Variants in DSN1 observed in about 807,000 individuals in gnomAD.
DSN1 encodes the protein DSN1 component of MIS12 kinetochore complex.
Under a neutral mutation model 45.7 loss-of-function variants are expected in DSN1, and 31 were observed. That is an observed-to-expected ratio of 0.68 (90% CI 0.51 to 0.92). The LOEUF (loss-of-function observed/expected upper bound fraction) is 0.92, where lower values mean the gene tolerates loss of function less well. Ranked by LOEUF, DSN1 falls within the 40% of genes least tolerant of loss-of-function variation. The pLI is 0.00. For missense variants in DSN1, 394 were observed against 414.2 expected (o/e 0.95, Z 0.42); for synonymous variants, 134 against 142.3 (o/e 0.94, Z 0.41).
chr20:36,765,247 TAAAAAAAAAA>T (rs33998027), intron 5 of DSN1, among the ~76,000 whole-genome samples: 5 of 75,264 alleles, frequency 6.6e-5, no homozygotes, highest in South Asian at 5.9e-4. Flanking sequence ...AGGCTTGTGT[TAAAAAAAAAA>T]AAAAAAAAAA....
chr20:36,765,247 T>TAAAAAAAAAAAAAA lies in DSN1; in HGVS notation c.502+1508_502+1521dup, dbSNP rs33998027. On this transcript the variant is annotated intron_variant, in intron 5 of 10. Coordinates refer to ENST00000373750, the MANE Select transcript of DSN1 (RefSeq NM_001145315.2). ...TGCATACGTGCCAAAAGGCTTGTGT[T>TAAAAAAAAAAAAAA]AAAAAAAAAAAAAAAAAAAAAAAAA... Among the ~76,000 whole-genome samples the TAAAAAAAAAAAAAA allele has an allele frequency of 5.3e-5, 4 of 75,278 alleles. 1 individual carries two copies. Among genetic ancestry groups the TAAAAAAAAAAAAAA allele is most frequent in the African/African-American group, 2.3e-4 (4 of 17,080 alleles). The allele number at this position is 75,278 out of a possible 152,430, so 49.4% of individuals were successfully genotyped here.
chr20:36,771,563 G>T, intron 1 of DSN1, 90 bp from the exon 2 acceptor site: 3 of 1,249,592 alleles, frequency 2.4e-6, no homozygotes. Context: ...TAGGCCGTGT[G>T]CTTTCCAGCC....
chr20:36,762,783 G>A (rs1987071921), intron 5 of DSN1, among the ~76,000 whole-genome samples: 1 of 151,614 alleles, frequency 6.6e-6, no homozygotes, highest in Non-Finnish European at 1.5e-5. Flanking sequence ...ACAGACTCTC[G>A]CTCCGTCACC....
At chr20:36,768,829 A>G (rs536203223) in intron 3 of DSN1, among the ~76,000 whole-genome samples, 1 of 152,336 alleles carries the variant, frequency 6.6e-6, no homozygotes, top group South Asian at 2.1e-4. Flanking sequence ...CAGAAACTGG[A>G]AATCGGTGGA....
chr20:36,758,370 G>A (rs1986787142), intron 7 of DSN1, among the ~76,000 whole-genome samples, 188 bp downstream of exon 7: 1 of 152,256 alleles, frequency 6.6e-6, no homozygotes, highest in African/African-American at 2.4e-5. Flanking sequence ...GTATTCTCTA[G>A]ACTCCATTCT....
intron 3 of DSN1, among the ~76,000 whole-genome samples, chr20:36,769,059 A>G (rs182103436): frequency 6.6e-6 from 1 of 152,380 alleles, no homozygotes; most frequent in East Asian, 1.9e-4. Context: ...ACACAGGCAC[A>G]AAGTAATAGG....
chr20:36,751,848 A>G lies in DSN1; in HGVS notation c.*940T>C, dbSNP rs1226653050. The G allele has an allele frequency of 6.6e-6, 1 of 152,160 alleles. No homozygotes were observed. Among genetic ancestry groups the G allele is most frequent in the East Asian group, 1.9e-4 (1 of 5,194 alleles). 9.4% of individuals were successfully genotyped at this position (152,160 alleles called of 1,614,324 possible). ...TGCAATTTTATAATACAGATTATAA[A>G]CAAATAGAACAATGAATAGTAGTAC... On this transcript the variant is annotated 3_prime_UTR_variant, in exon 11 of 11. Transcript: ENST00000373750.
At chr20:36,771,610 A>C (rs1185964084) in intron 1 of DSN1, 137 bp from the exon 2 acceptor site, 2 of 683,820 alleles carry the variant, frequency 2.9e-6, no homozygotes, top group Non-Finnish European at 5.0e-6. Flanking sequence ...CTGACAGAGA[A>C]TATCAGCAGG....
chr20:36,756,477 T>C (rs1012249566), intron 8 of DSN1, among the ~76,000 whole-genome samples: 1 of 152,220 alleles, frequency 6.6e-6, no homozygotes, highest in Non-Finnish European at 1.5e-5. Flanking sequence ...CAAAACATGC[T>C]GGCCTACTTC....
chr20:36,764,021 C>A (rs1006590370), intron 5 of DSN1, among the ~76,000 whole-genome samples: 1 of 151,840 alleles, frequency 6.6e-6, no homozygotes, highest in Admixed American at 6.6e-5. Flanking sequence ...CAAGACCAGC[C>A]TGAGCAACAC....
intron 6 of DSN1, among the ~76,000 whole-genome samples, chr20:36,761,696 A>G (rs1986989988): frequency 6.6e-6 from 1 of 152,006 alleles, no homozygotes; most frequent in Admixed American, 6.6e-5. Flanking sequence ...CTTCATCTCT[A>G]GAAAAATACA....
chr20:36,759,445 T>C (rs1280588716), intron 6 of DSN1, among the ~76,000 whole-genome samples: 1 of 152,102 alleles, frequency 6.6e-6, no homozygotes, highest in East Asian at 1.9e-4. Flanking sequence ...TTTCAAAAAA[T>C]ACTTAATGTT....
rs778039545 is a variant in DSN1 at position 36,771,026 on chromosome 20, T to C, written c.202A>G (p.Ser68Gly). 2 of 1,614,218 alleles carry C rather than the reference T, an allele frequency of 1.2e-6. No homozygotes were observed. Among genetic ancestry groups the C allele is most frequent in the Admixed American group, 1.7e-5 (1 of 60,016 alleles). The change falls in exon 3 of 11, where the codon AGC (serine) becomes GGC (glycine). Residue 68 changes from serine to glycine, a missense_variant. By Grantham distance (56) the Ser-to-Gly change is moderately conservative (BLOSUM62 0). Coordinates refer to ENST00000373750, the MANE Select transcript of DSN1 (RefSeq NM_001145315.2). ...SPKKGGNCDLSHQERLQSKSL... is the reference protein window; with the variant it reads ...SPKKGGNCDLGHQERLQSKSL... ...TTCGACTGAAGTCTTTCCTGGTGGCTGAGATCACAATTTCCCCCTTTTTTA... is the reference window on the plus strand; with the variant it reads ...TTCGACTGAAGTCTTTCCTGGTGGCCGAGATCACAATTTCCCCCTTTTTTA...
rs1986424749 is a variant in DSN1, at chr20:36,752,360, C to T, written c.*428G>A. The T allele has an allele frequency of 6.5e-6, 1 of 154,372 alleles. No individual in the cohort carries two copies. Among genetic ancestry groups the T allele is most frequent in the East Asian group, 1.9e-4 (1 of 5,266 alleles). The allele number at this position is 154,372 out of a possible 1,614,324, so 9.6% of individuals were successfully genotyped here. On this transcript the variant is annotated 3_prime_UTR_variant, in exon 11 of 11. Coordinates refer to ENST00000373750, the MANE Select transcript of DSN1 (RefSeq NM_001145315.2). Reference sequence around the variant, plus strand: ...TGAGCCATTGCGCCCAGCCTCAAAACTCTTCTACCTAAAATCACCTTCAGA... The same window carrying T: ...TGAGCCATTGCGCCCAGCCTCAAAATTCTTCTACCTAAAATCACCTTCAGA...
chr20:36,758,496 A>T, intron 7 of DSN1, 62 bp downstream of exon 7: 1 of 1,423,190 alleles, frequency 7.0e-7, no homozygotes, highest in East Asian at 2.3e-5. Flanking sequence ...CATTTTTTCC[A>T]AGTTAGTTAA....
intron 6 of DSN1, among the ~76,000 whole-genome samples, chr20:36,762,106 T>C (rs1056907606): frequency 7.1e-6 from 1 of 140,544 alleles, no homozygotes; most frequent in Admixed American, 7.0e-5. Flanking sequence ...AATTCTTTTT[T>C]TTTTTTTTTT....
chr20:36,757,207 T>C (rs931259275), intron 8 of DSN1, among the ~76,000 whole-genome samples: 3 of 151,748 alleles, frequency 2.0e-5, no homozygotes, highest in Admixed American at 2.0e-4. Context: ...AATACAAAAA[T>C]TAGTGGGGTG....
At chr20:36,772,131 T>C (rs978475639) in intron 1 of DSN1, among the ~76,000 whole-genome samples, 2 of 151,798 alleles carry the variant, frequency 1.3e-5, no homozygotes, top group African/African-American at 4.8e-5. Context: ...TCCACCAGCC[T>C]AGGCCTCCCA....
intron 5 of DSN1, 120 bp from the exon 6 acceptor site, chr20:36,762,668 A>G: frequency 1.3e-6 from 1 of 745,738 alleles, no homozygotes; most frequent in Non-Finnish European, 2.1e-6. Context: ...TTGGTCCTCA[A>G]GCCCACCCAA....
Sources: allele counts gnomAD v4.1 joint callset (sites outside exome capture counted in the v4.1 genomes callset), GRCh38; gene constraint gnomAD v4.1.1; transcripts MANE v1.5; gene names NCBI Gene and HGNC (gene_info 2026-07-23, HGNC 2026-07-21).